The following NSUN4 variants were observed in gnomAD, a reference collection of about 807,000 sequenced individuals.
The protein encoded by NSUN4 is NOP2/Sun RNA methyltransferase 4.
In NSUN4, 31 loss-of-function variants were observed where a neutral mutation model predicts 43.8. The ratio of observed to expected loss-of-function variants is 0.71; its 90% CI spans 0.53 to 0.96. The LOEUF (loss-of-function observed/expected upper bound fraction) is 0.96. Ranked by LOEUF, NSUN4 falls within the 40% of genes least tolerant of loss-of-function variation. The pLI is 0.00. For synonymous variants in NSUN4, 167 were observed against 184.1 expected (o/e 0.91, Z 0.75); for missense variants, 439 against 475.6 (o/e 0.92, Z 0.72).
At chr1:46,356,926 TA>T (rs917383123) in intron 4 of NSUN4, among the ~76,000 whole-genome samples, 11 of 152,210 alleles carry the variant, frequency 7.2e-5, no homozygotes, top group African/African-American at 2.7e-4. Flanking sequence ...TATCTTCCCT[TA>T]TAATACAATA....
Position 46,340,873 on chromosome 1 carries a change from T to C in NSUN4, c.47T>C (p.Val16Ala). 6.2e-7 allele frequency: 1 copy of C among 1,613,712 alleles called. No individual in the cohort carries two copies. Among genetic ancestry groups the C allele is most frequent in the Non-Finnish European group, 8.5e-7 (1 of 1,179,814 alleles). The change falls in exon 1 of 6, where the codon GTG (valine) becomes GCG (alanine). Residue 16 changes from valine (V) to alanine (A), a missense_variant. Val to Ala is a moderately conservative substitution (Grantham distance 64). Coordinates refer to ENST00000474844, the MANE Select transcript of NSUN4 (RefSeq NM_199044.4). ...LRGVRELLKR[V>A]DLATVPRRHR... Reference sequence around the variant, plus strand: ...GGTGTCCGGGAGCTGCTGAAGCGTGTGGACCTCGCGACGGTCCCGCGGAGA... The same window carrying C: ...GGTGTCCGGGAGCTGCTGAAGCGTGCGGACCTCGCGACGGTCCCGCGGAGA...
rs774016496 is a variant in NSUN4, at chr1:46,346,972, G to T, written c.489G>T (p.Leu163Phe). The change falls in exon 3 of 6, where the codon TTG becomes TTT. Residue 163 changes from leucine (L) to phenylalanine (F), a missense_variant. Transcript: ENST00000474844. ...MEYYLMDAASLLPVLALGLQP... is the reference protein window; with the variant it reads ...MEYYLMDAASFLPVLALGLQP... ...ACTACCTGATGGATGCTGCCTCCTT[G>T]CTGCCTGTTCTGGCCCTCGGCCTGC... 1.3e-5 allele frequency: 21 copies of T among 1,614,034 alleles called. 2 individuals are homozygous for T. The South Asian group carries it at 2.1e-4, about 16-fold the overall frequency.
intron 4 of NSUN4, among the ~76,000 whole-genome samples, chr1:46,357,892 C>G (rs1487330305): frequency 6.6e-6 from 1 of 152,132 alleles, no homozygotes; most frequent in Non-Finnish European, 1.5e-5. Context: ...TGATTTTGGT[C>G]TCAGCTCTGT....
chr1:46,344,776 A>G (rs1557736696), intron 1 of NSUN4, 25 bp from the exon 2 acceptor site: 1 of 1,596,866 alleles, frequency 6.3e-7, no homozygotes, highest in African/African-American at 1.3e-5. Context: ...TGGGAAAACC[A>G]ATAAGCCTGT....
chr1:46,342,274 T>C (rs1029752529), intron 1 of NSUN4: 54 of 399,124 alleles, frequency 1.4e-4, no homozygotes, highest in African/African-American at 1.0e-3. Flanking sequence ...CTTAAGCCTC[T>C]AGACTCTTGT....
At chr1:46,381,681 G>A in the NSUN4 span, among the ~76,000 whole-genome samples, 3 of 152,178 alleles carry the variant, frequency 2.0e-5, no homozygotes, top group Non-Finnish European at 4.4e-5. Flanking sequence ...GAAGGAGAGA[G>A]GGTCTGGAAA....
At chr1:46,341,075 C>T in intron 1 of NSUN4, 156 bp downstream of exon 1, 1 of 1,158,614 alleles carries the variant, frequency 8.6e-7, no homozygotes, top group Non-Finnish European at 1.2e-6. Context: ...GTCACCGCCT[C>T]TGTCCGCACT....
chr1:46,340,845 A>T lies in NSUN4; in HGVS notation c.19A>T (p.Arg7Trp). Residue 7 changes from arginine to tryptophan, a missense_variant, in exon 1 of 6, where the codon AGG (arginine) becomes TGG (tryptophan). Arg to Trp is a moderately radical substitution (Grantham distance 101). Coordinates refer to ENST00000474844, the MANE Select transcript of NSUN4 (RefSeq NM_199044.4). ...CGCCGATATGGCTGCGCTGACACTG[A>T]GGGGTGTCCGGGAGCTGCTGAAGCG... MAALTL[R>W]GVRELLKRVD... is the part of the protein sequence containing the mutation. The T allele has an allele frequency of 6.2e-7, 1 of 1,612,220 alleles. No individual in the cohort carries two copies. Among genetic ancestry groups the T allele is most frequent in the South Asian group, 1.1e-5 (1 of 90,920 alleles).
intron 2 of NSUN4, among the ~76,000 whole-genome samples, chr1:46,346,129 C>T (rs1239995147): frequency 3.0e-5 from 4 of 131,424 alleles, no homozygotes; most frequent in Admixed American, 1.7e-4. Context: ...CCAGTCTGGG[C>T]GACAGAGCGA....
chr1:46,350,596 C>T (rs1662905771), intron 3 of NSUN4, among the ~76,000 whole-genome samples: 1 of 152,104 alleles, frequency 6.6e-6, no homozygotes, highest in African/African-American at 2.4e-5. Context: ...GAACTCATGT[C>T]TACCAATAAA....
intron 4 of NSUN4, among the ~76,000 whole-genome samples, chr1:46,360,249 A>AAAAAAAATATAT (rs1553177947): frequency 3.9e-5 from 1 of 25,738 alleles, no homozygotes; most frequent in African/African-American, 1.3e-4. Flanking sequence ...AAAAAAAAAA[A>AAAAAAAATATAT]ATATATATAT....
At chr1:46,365,515 T>C (rs1664114591), downstream of NSUN4, among the ~76,000 whole-genome samples, 1 of 152,092 alleles carries the variant, frequency 6.6e-6, no homozygotes, top group African/African-American at 2.4e-5. Context: ...AATTTCTTTG[T>C]ATTTTTAGTA....
chr1:46,341,974 C>T (rs1304335492), intron 1 of NSUN4: 2 of 1,232,380 alleles, frequency 1.6e-6, no homozygotes, highest in Non-Finnish European at 2.0e-6. Context: ...TCCCCGGGAA[C>T]GAGCCCAGTG....
chr1:46,367,319 G>A (rs989672684), downstream of NSUN4, among the ~76,000 whole-genome samples: 1 of 152,130 alleles, frequency 6.6e-6, no homozygotes, highest in African/African-American at 2.4e-5. Flanking sequence ...ACTGTATATC[G>A]AACGTACCTG....
In NSUN4 at chr1:46,362,105, G is replaced by A; in HGVS notation, c.*259G>A. 1 of 505,942 alleles carries A rather than the reference G, an allele frequency of 2.0e-6. No homozygotes were observed. Among genetic ancestry groups the A allele is most frequent in the Middle Eastern group, 5.3e-4 (1 of 1,872 alleles). The allele number at this position is 505,942 out of a possible 1,614,324, so 31.3% of individuals were successfully genotyped here. A position where few individuals can be genotyped will look rare whatever the true frequency, so the allele number is the denominator to read the frequency against. ...TACTAAAGTTTGCTGCCCGCTTAGG[G>A]GCTTAGAAGGAGAAGCCAGTGAGCA... On this transcript the variant is annotated 3_prime_UTR_variant, in exon 6 of 6. Coordinates refer to ENST00000474844, the MANE Select transcript of NSUN4 (RefSeq NM_199044.4).
At chr1:46,357,166 CTGAG>C (rs996034424) in intron 4 of NSUN4, among the ~76,000 whole-genome samples, 1 of 152,128 alleles carries the variant, frequency 6.6e-6, no homozygotes, top group African/African-American at 2.4e-5. Context: ...TCTTCTGTGA[CTGAG>C]TGAGATCAAC....
At chr1:46,373,938 G>T in the NSUN4 span, among the ~76,000 whole-genome samples, 2 of 151,724 alleles carry the variant, frequency 1.3e-5, no homozygotes. Flanking sequence ...GGATGGGGAT[G>T]GATGGGGGTG....
At chr1:46,351,242 T>C (rs1358448289) in intron 3 of NSUN4, among the ~76,000 whole-genome samples, 1 of 152,170 alleles carries the variant, frequency 6.6e-6, no homozygotes, top group Admixed American at 6.5e-5. Flanking sequence ...CGCATGCCTG[T>C]AATCCCAGCT....
At chr1:46,358,160 A>G (rs1010106975) in intron 4 of NSUN4, among the ~76,000 whole-genome samples, 82 of 152,236 alleles carry the variant, frequency 5.4e-4, no homozygotes, top group African/African-American at 1.8e-3. Flanking sequence ...CAGTGGCGCA[A>G]TCTTGGTTCA....
Sources: allele counts gnomAD v4.1 joint callset (sites outside exome capture counted in the v4.1 genomes callset), GRCh38; gene constraint gnomAD v4.1.1; transcripts MANE v1.5; gene names NCBI Gene and HGNC (gene_info 2026-07-23, HGNC 2026-07-21).